Variants in JPH1 observed in about 807,000 individuals in gnomAD.
JPH1 encodes the protein junctophilin 1, also known as junctophilin-1.
A neutral mutation model predicts 53.6 loss-of-function variants in JPH1; 12 were observed. The observed-to-expected ratio is 0.22, with a 90% CI of 0.14 to 0.36. The LOEUF (loss-of-function observed/expected upper bound fraction) is 0.36. JPH1 is among the 10% of genes least tolerant of loss of function. The pLI is 1.00. For synonymous variants in JPH1, 375 were observed against 363.8 expected, an observed-to-expected ratio of 1.03 and a Z score of -0.35; for missense variants, 808 against 905.5, an observed-to-expected ratio of 0.89 and a Z score of 1.38.
chr8:74,289,640 G>C (rs1807265277), intron 2 of JPH1, among the ~76,000 whole-genome samples: 1 of 152,086 alleles, frequency 6.6e-6, no homozygotes, highest in Non-Finnish European at 1.5e-5. Flanking sequence ...CTTTCCCCAT[G>C]ACCTTTCCTG....
chr8:74,239,056 G>T (rs1043741173), intron 4 of JPH1, among the ~76,000 whole-genome samples: 1 of 152,046 alleles, frequency 6.6e-6, no homozygotes, highest in African/African-American at 2.4e-5. Context: ...AAGTAAACAT[G>T]AGTCCCCTTT....
intron 3 of JPH1, among the ~76,000 whole-genome samples, chr8:74,254,518 A>G (rs891111730): frequency 0.014 from 2,144 of 152,166 alleles, 82 homozygotes; most frequent in African/African-American, 0.049. Flanking sequence ...ACTCCTATTC[A>G]ACATAGTGTT....
At chr8:74,266,402 C>T (rs1052525758) in intron 2 of JPH1, among the ~76,000 whole-genome samples, 1 of 152,114 alleles carries the variant, frequency 6.6e-6, no homozygotes, top group Admixed American at 6.5e-5. Context: ...CTGATACATG[C>T]CCCAACATGG....
intron 2 of JPH1, among the ~76,000 whole-genome samples, chr8:74,305,698 C>G (rs1807812493): frequency 6.6e-6 from 1 of 152,184 alleles, no homozygotes; most frequent in Non-Finnish European, 1.5e-5. Flanking sequence ...CTAAGTAGAT[C>G]TCTGCAGAAC....
chr8:74,268,414 G>A (rs1470864580), intron 2 of JPH1, among the ~76,000 whole-genome samples: 1 of 152,160 alleles, frequency 6.6e-6, no homozygotes, highest in East Asian at 1.9e-4. Context: ...CAAGGAGGAT[G>A]GGGAGGATGG....
rs149704205 is a variant in JPH1, at chr8:74,251,253, T to C, written c.1259-6078A>G. ...CTGCCAATTTTTGCCTCTGTGACTCTTTTTTCTATACTTCCTTGGGTGACC... is the reference window on the plus strand; with the variant it reads ...CTGCCAATTTTTGCCTCTGTGACTCCTTTTTCTATACTTCCTTGGGTGACC... On this transcript the variant is annotated intron_variant, in intron 3 of 5. Transcript: ENST00000342232. Among the ~76,000 whole-genome samples the C allele has an allele frequency of 2.6e-3, 397 of 152,324 alleles. 3 individuals are homozygous for C. The highest frequency in any genetic ancestry group is 8.9e-3 in the African/African-American group (370 of 41,568).
Position 74,237,279 on chromosome 8 carries a change from G to C in JPH1, c.1930C>G (p.Leu644Val). The C allele has an allele frequency of 6.2e-7, 1 of 1,612,826 alleles. No individual in the cohort carries two copies. Among genetic ancestry groups the C allele is most frequent in the Non-Finnish European group, 8.5e-7 (1 of 1,179,390 alleles). ...NSGPNSIMIV[L>V]VMLLNIGLAI... ...AACCCGATATTCAACAGCATGACAAGGACAATCATGATTGAATTAGGGCCC... is the reference window on the plus strand; with the variant it reads ...AACCCGATATTCAACAGCATGACAACGACAATCATGATTGAATTAGGGCCC... Residue 644 changes from leucine (L) to valine (V), a missense_variant, in exon 5 of 6, where the codon CTT becomes GTT. Coordinates refer to ENST00000342232, the MANE Select transcript of JPH1 (RefSeq NM_020647.4).
intron 4 of JPH1, among the ~76,000 whole-genome samples, chr8:74,243,902 T>G (rs1295170514): frequency 2.6e-5 from 4 of 152,216 alleles, no homozygotes; most frequent in Non-Finnish European, 5.9e-5. Context: ...AAACTGAAAT[T>G]GTAAGAGTTC....
At chr8:74,301,771 G>T (rs1395429207) in intron 2 of JPH1, among the ~76,000 whole-genome samples, 4 of 152,246 alleles carry the variant, frequency 2.6e-5, no homozygotes, top group Non-Finnish European at 5.9e-5. Flanking sequence ...AATTTACCAT[G>T]TTATACTGAC....
chr8:74,288,769 C>T (rs756730246), intron 2 of JPH1, among the ~76,000 whole-genome samples: 49 of 152,246 alleles, frequency 3.2e-4, no homozygotes, highest in Middle Eastern at 3.4e-3. Flanking sequence ...ATTAGGTTGG[C>T]GCAAAAATAG....
At chr8:74,284,665 A>G (rs1807108333) in intron 2 of JPH1, among the ~76,000 whole-genome samples, 1 of 152,168 alleles carries the variant, frequency 6.6e-6, no homozygotes, top group South Asian at 2.1e-4. Context: ...GAATTCTCAT[A>G]AGGAATAATA....
chr8:74,281,305 G>A (rs949079498), intron 2 of JPH1, among the ~76,000 whole-genome samples: 5 of 152,154 alleles, frequency 3.3e-5, no homozygotes, highest in Non-Finnish European at 5.9e-5. Flanking sequence ...TCTGCTTACT[G>A]TTATCCTCCC....
At chr8:74,250,136 ATT>A (rs573206811) in intron 3 of JPH1, among the ~76,000 whole-genome samples, 2,822 of 142,940 alleles carry the variant, frequency 0.02, 82 homozygotes, top group African/African-American at 0.064. Flanking sequence ...GACTAAAAGG[ATT>A]TTTTTTTTTT....
chr8:74,266,573 C>A (rs569866675), intron 2 of JPH1, among the ~76,000 whole-genome samples: 6 of 152,168 alleles, frequency 3.9e-5, no homozygotes, highest in South Asian at 4.1e-4. Flanking sequence ...TTAATGGGTA[C>A]AGATTGTTAG....
chr8:74,305,260 A>G (rs1456681404), intron 2 of JPH1, among the ~76,000 whole-genome samples: 1 of 152,234 alleles, frequency 6.6e-6, no homozygotes, highest in African/African-American at 2.4e-5. Context: ...GAAAGTTGTG[A>G]GCAGGGTGCT....
At chr8:74,310,924 G>A (rs1807976229) in intron 2 of JPH1, among the ~76,000 whole-genome samples, 1 of 152,192 alleles carries the variant, frequency 6.6e-6, no homozygotes, top group Admixed American at 6.5e-5. Context: ...GTGATCTTGG[G>A]TAGAGCCTCA....
intron 1 of JPH1, among the ~76,000 whole-genome samples, chr8:74,316,455 C>T (rs1808160980): frequency 6.6e-6 from 1 of 152,204 alleles, no homozygotes. Flanking sequence ...GGAATTACTT[C>T]GTATGAGAAC....
chr8:74,259,763 G>C (rs1485489994), intron 2 of JPH1, among the ~76,000 whole-genome samples: 1 of 152,210 alleles, frequency 6.6e-6, no homozygotes, highest in East Asian at 1.9e-4. Flanking sequence ...TTGATGCTAA[G>C]TGTGGTTTTC....
At chr8:74,264,803 T>G (rs923803955) in intron 2 of JPH1, among the ~76,000 whole-genome samples, 14 of 152,316 alleles carry the variant, frequency 9.2e-5, no homozygotes, top group Middle Eastern at 3.4e-3. Context: ...ATGCCTTTTG[T>G]AAAAGGCTAT....
Sources: allele counts gnomAD v4.1 joint callset (sites outside exome capture counted in the v4.1 genomes callset), GRCh38; gene constraint gnomAD v4.1.1; transcripts MANE v1.5; gene names NCBI Gene and HGNC (gene_info 2026-07-23, HGNC 2026-07-21).